Variants in STARD9 observed in about 807,000 individuals in gnomAD.
STARD9 encodes StAR related lipid transfer domain containing 9, also known as stAR-related lipid transfer protein 9.
In STARD9, 346 loss-of-function variants were observed where a neutral mutation model predicts 399.8. The ratio of observed to expected loss-of-function variants is 0.87; its 90% CI spans 0.79 to 0.95. The LOEUF (loss-of-function observed/expected upper bound fraction) is 0.95. Ranked by LOEUF, STARD9 falls within the 40% of genes least tolerant of loss-of-function variation. The pLI, the probability that STARD9 is intolerant of heterozygous loss-of-function variation, is 0.00. For missense variants in STARD9, 5,832 were observed against 5,667.5 expected (o/e 1.03, Z -0.93); for synonymous variants, 2,203 against 2,143.5 (o/e 1.03, Z -0.77).
intron 11 of STARD9, 28 bp downstream of exon 11, chr15:42,662,919 G>A: frequency 6.9e-7 from 1 of 1,442,424 alleles, no homozygotes; most frequent in Non-Finnish European, 9.4e-7. Flanking sequence ...ATGGGAGTGG[G>A]AGGGAGAGTT....
intron 32 of STARD9, 25 bp from the exon 33 acceptor site, chr15:42,719,448 T>C: frequency 6.8e-7 from 1 of 1,472,960 alleles, no homozygotes; most frequent in African/African-American, 1.4e-5. Flanking sequence ...ATTTGCACCT[T>C]AAATTCTTCT....
rs2060801026 is a variant in STARD9, at chr15:42,694,675, A to G, written c.12912A>G (p.Arg4304=). 2 of 1,537,188 alleles carry G rather than the reference A, an allele frequency of 1.3e-6. No homozygotes were observed. Among genetic ancestry groups the G allele is most frequent in the Non-Finnish European group, 1.7e-6 (2 of 1,146,904 alleles). Residue 4304 remains arginine (R), a synonymous_variant, in exon 24 of 33, where the codon AGA becomes AGG. Coordinates refer to ENST00000290607, the MANE Select transcript of STARD9 (RefSeq NM_020759.3). ...TCTGGGATCTTGACTTGCCCAGCAG[A>G]CGCCGAGAATACCTGCAGCAACTGA... ...LFIWDLDLPS[R]RREYLQQLRK...
intron 17 of STARD9, 102 bp downstream of exon 17, chr15:42,674,593 T>G: frequency 3.9e-6 from 5 of 1,280,374 alleles, no homozygotes; most frequent in Non-Finnish European, 5.4e-6. Flanking sequence ...AGGGAATCAT[T>G]GGCGTATTCA....
rs147602996 is a variant in STARD9, at chr15:42,685,207, C to T, written c.3629C>T (p.Ala1210Val). Residue 1210 changes from alanine (A) to valine (V), a missense_variant, in exon 23 of 33, where the codon GCA (alanine) becomes GTA (valine). Ala to Val is a moderately conservative substitution (Grantham distance 64). This residue lies in a region of STARD9 where 5,828 missense variants were observed against 5,651.1 expected (regional missense o/e 1.03). Transcript: ENST00000290607. ...RSFSLDSLID[A>V]EEELGEDQQE... ...TTCTCCTTGGATAGCCTGATTGATG[C>T]AGAGGAAGAACTGGGGGAAGATCAG... The T allele has an allele frequency of 2.0e-6, 3 of 1,537,210 alleles. No individual in the cohort carries two copies. The highest frequency in any genetic ancestry group is 4.9e-5 in the East Asian group (2 of 40,908).
At chr15:42,698,379 T>G (rs1477622414) in intron 26 of STARD9, among the ~76,000 whole-genome samples, 1 of 152,208 alleles carries the variant, frequency 6.6e-6, no homozygotes, top group African/African-American at 2.4e-5. Flanking sequence ...TTTCCCACAC[T>G]CTCACCAACA....
At chr15:42,587,427 T>G (rs2058299031) in intron 3 of STARD9, among the ~76,000 whole-genome samples, 1 of 152,240 alleles carries the variant, frequency 6.6e-6, no homozygotes, top group Non-Finnish European at 1.5e-5. Context: ...TTTGTAGTCC[T>G]AATGTGTTTG....
chr15:42,575,725 G>C lies in STARD9; in HGVS notation c.10G>C (p.Val4Leu), dbSNP rs974259596. MANVQVAVRVRPLS... is the reference protein window; with the variant it reads MANLQVAVRVRPLS... ...GGGTTGTGGCAGACGGATGGCGAAC[G>C]TGCAGGTCGCCGTGCGGGTCCGGCC... The change falls in exon 1 of 33, where the codon GTG (valine) becomes CTG (leucine). Residue 4 changes from valine to leucine, a missense_variant. By Grantham distance (32) the Val-to-Leu change is conservative (BLOSUM62 1). Around this residue, in one of 2 missense-constraint regions of STARD9, gnomAD observed 5,828 missense variants for 5,651.1 expected, o/e 1.03. Transcript: ENST00000290607. The C allele has an allele frequency of 1.3e-6, 2 of 1,536,468 alleles. No homozygotes were observed. Among genetic ancestry groups the C allele is most frequent in the Non-Finnish European group, 8.7e-7 (1 of 1,146,804 alleles).
At chr15:42,695,359 G>A (rs1209351031) in intron 25 of STARD9, 36 bp downstream of exon 25, 2 of 1,494,134 alleles carry the variant, frequency 1.3e-6, no homozygotes, top group East Asian at 2.5e-5. Flanking sequence ...TTCAGGATAG[G>A]CCTGGACCTC....
intron 7 of STARD9, among the ~76,000 whole-genome samples, chr15:42,646,360 T>C (rs2141970378): frequency 6.6e-6 from 1 of 152,378 alleles, no homozygotes; most frequent in South Asian, 2.1e-4. Flanking sequence ...GAAATTCTGT[T>C]GTTTAGTGTA....
rs902564447 is a variant in STARD9, at chr15:42,664,046, G to C, written c.1176+129G>C. 8 of 641,068 alleles carry C rather than the reference G, an allele frequency of 1.2e-5. No individual in the cohort carries two copies. The Admixed American group carries it at 2.0e-4, about 16-fold the overall frequency. The allele number at this position is 641,068 out of a possible 1,614,324, so 39.7% of individuals were successfully genotyped here. A position where few individuals can be genotyped will look rare whatever the true frequency, so the allele number is the denominator to read the frequency against. Reference sequence around the variant, plus strand: ...CAGACTTGTCCTCCAGATGATGAGGGAGTAGAATTCTTTCTTGTACTGTCA... The same window carrying C: ...CAGACTTGTCCTCCAGATGATGAGGCAGTAGAATTCTTTCTTGTACTGTCA... On this transcript the variant is annotated intron_variant, in intron 13 of 32. Coordinates refer to ENST00000290607, the MANE Select transcript of STARD9 (RefSeq NM_020759.3).
chr15:42,661,925 C>T (rs2060001026), intron 10 of STARD9, among the ~76,000 whole-genome samples: 1 of 152,148 alleles, frequency 6.6e-6, no homozygotes, highest in Non-Finnish European at 1.5e-5. Context: ...TGAATTAGTA[C>T]AACTTTTCTC....
At chr15:42,602,515 G>A (rs2058648960) in intron 3 of STARD9, among the ~76,000 whole-genome samples, 1 of 152,206 alleles carries the variant, frequency 6.6e-6, no homozygotes, top group Admixed American at 6.5e-5. Context: ...AGCAGGCTGA[G>A]CACTGACTCA....
At chr15:42,576,311 C>T (rs1311118034) in intron 1 of STARD9, among the ~76,000 whole-genome samples, 1 of 152,200 alleles carries the variant, frequency 6.6e-6, no homozygotes, top group Non-Finnish European at 1.5e-5. Flanking sequence ...GGAAGTTGTT[C>T]CAACCCCTTC....
chr15:42,591,940 C>T (rs1420141857), intron 3 of STARD9, among the ~76,000 whole-genome samples: 1 of 152,166 alleles, frequency 6.6e-6, no homozygotes, highest in Non-Finnish European at 1.5e-5. Context: ...GAAACTGAGG[C>T]ATAGAACGTT....
chr15:42,678,947 A>G, intron 20 of STARD9, among the ~76,000 whole-genome samples: 1 of 152,218 alleles, frequency 6.6e-6, no homozygotes, highest in East Asian at 1.9e-4. Context: ...TACAGATGGC[A>G]GCAGACAGCC....
intron 3 of STARD9, among the ~76,000 whole-genome samples, chr15:42,628,703 A>G (rs1255228067): frequency 1.3e-5 from 2 of 151,978 alleles, no homozygotes; most frequent in East Asian, 3.9e-4. Flanking sequence ...TCCCCTGTGT[A>G]TGTTTTGGCA....
At chr15:42,642,729 C>T (rs911010892) in intron 7 of STARD9, among the ~76,000 whole-genome samples, 1 of 152,140 alleles carries the variant, frequency 6.6e-6, no homozygotes, top group African/African-American at 2.4e-5. Flanking sequence ...AATATATTTG[C>T]AATAGTGATT....
chr15:42,640,157 A>T (rs114793100), intron 7 of STARD9, among the ~76,000 whole-genome samples: 4,981 of 152,170 alleles, frequency 0.033, 193 homozygotes, highest in East Asian at 0.12. Context: ...GCCTCAAGTG[A>T]TCTTCCCACC....
chr15:42,703,494 G>A (rs1324252145), intron 26 of STARD9, among the ~76,000 whole-genome samples: 1 of 149,728 alleles, frequency 6.7e-6, no homozygotes, highest in East Asian at 2.0e-4. Context: ...CTCCCAAGTA[G>A]CTGAGATTAT....
Sources: allele counts gnomAD v4.1 joint callset (sites outside exome capture counted in the v4.1 genomes callset), GRCh38; gene constraint gnomAD v4.1.1; regional missense constraint gnomAD v4.1.1; transcripts MANE v1.5; gene names NCBI Gene and HGNC (gene_info 2026-07-23, HGNC 2026-07-21).